The following ATP6V1H variants were observed in gnomAD, a reference collection of about 807,000 sequenced individuals.
ATP6V1H encodes ATPase H+ transporting V1 subunit H.
Under a neutral mutation model 71.7 loss-of-function variants are expected in ATP6V1H, and 39 were observed. The ratio of observed to expected loss-of-function variants is 0.54; its 90% CI spans 0.42 to 0.71. ATP6V1H has a LOEUF of 0.71. ATP6V1H is among the 30% of genes least tolerant of loss of function. ATP6V1H has a pLI of 0.00. For missense variants in ATP6V1H, 509 were observed against 594.9 expected, an observed-to-expected ratio of 0.86 and a Z score of 1.50; for synonymous variants, 192 against 199.3, an observed-to-expected ratio of 0.96 and a Z score of 0.31.
In ATP6V1H at chr8:53,771,560, C is replaced by T. The variant is rs192762082; in HGVS notation, c.1049+429G>A. The stretch of plus-strand genomic sequence containing the variant: ...CCATAGTGGCTAATTCTTTACTGTA[C>T]ATACATTATTTACATTATTTTTAAT... On this transcript the variant is annotated intron_variant, in intron 10 of 13. Transcript: ENST00000359530. Among the ~76,000 whole-genome samples the T allele has an allele frequency of 2.3e-3, 344 of 152,168 alleles. 2 individuals are homozygous for T. The highest frequency in any genetic ancestry group is 7.8e-3 in the African/African-American group (322 of 41,502).
rs1279107666 is a variant in ATP6V1H at position 53,832,175 on chromosome 8, C to CT, written c.216+808dup. On this transcript the variant is annotated intron_variant, in intron 3 of 13. Coordinates refer to ENST00000359530, the MANE Select transcript of ATP6V1H (RefSeq NM_015941.4). ...GAACAAAGATATGTACATATCACCC[C>CT]TTTTTGTAAAAAGTTCACATTTGTA... is the stretch of plus-strand genomic sequence containing the variant. 50 of 152,176 alleles carry CT rather than the reference C, an allele frequency of 3.3e-4. 1 individual carries two copies. The highest frequency in any genetic ancestry group is 1.1e-3 in the African/African-American group (47 of 41,542). 9.4% of individuals were successfully genotyped at this position (152,176 alleles called of 1,614,324 possible). A position where few individuals can be genotyped will look rare whatever the true frequency, so the allele number is the denominator to read the frequency against.
intron 13 of ATP6V1H, among the ~76,000 whole-genome samples, chr8:53,738,707 G>A (rs1489799410): frequency 6.6e-6 from 1 of 152,152 alleles, no homozygotes; most frequent in Non-Finnish European, 1.5e-5. Context: ...CAACTCTTCT[G>A]AATATTTATT....
intron 4 of ATP6V1H, among the ~76,000 whole-genome samples, chr8:53,822,596 T>C (rs1810697059): frequency 6.6e-6 from 1 of 151,876 alleles, no homozygotes; most frequent in South Asian, 2.1e-4. Flanking sequence ...AAACACATAA[T>C]GAAGAATAAA....
intron 13 of ATP6V1H, among the ~76,000 whole-genome samples, chr8:53,735,238 T>C (rs1807160556): frequency 6.6e-6 from 1 of 152,140 alleles, no homozygotes; most frequent in Non-Finnish European, 1.5e-5. Flanking sequence ...GGTGGAGGCT[T>C]ATCCAATACA....
chr8:53,813,430 G>A (rs1206567866), intron 6 of ATP6V1H, among the ~76,000 whole-genome samples: 1 of 152,090 alleles, frequency 6.6e-6, no homozygotes, highest in Admixed American at 6.5e-5. Context: ...AAATCTAAAT[G>A]GCAACTTTCA....
chr8:53,793,607 T>C (rs1010345524), intron 9 of ATP6V1H, among the ~76,000 whole-genome samples: 17 of 151,638 alleles, frequency 1.1e-4, no homozygotes, highest in Non-Finnish European at 2.9e-5. Flanking sequence ...ATCACGCCAC[T>C]CCACTCCAGC....
In ATP6V1H at chr8:53,829,477, C is replaced by T. The variant is rs1169591245; in HGVS notation, c.273G>A (p.Gln91=). ...TATCATCCACCATAGTTAGTATATA[C>T]TGAACGGTCTGTTCTTTGCAGATAT... ...MTHICKEQTV[Q]YILTMVDDML... Residue 91 remains glutamine (Q), a synonymous_variant, in exon 4 of 14, where the codon CAG becomes CAA. Coordinates refer to ENST00000359530, the MANE Select transcript of ATP6V1H (RefSeq NM_015941.4). 1 of 1,605,224 alleles carries T rather than the reference C, an allele frequency of 6.2e-7. No individual in the cohort carries two copies. The highest frequency in any genetic ancestry group is 8.5e-7 in the Non-Finnish European group (1 of 1,176,584).
intron 9 of ATP6V1H, among the ~76,000 whole-genome samples, chr8:53,780,702 C>G (rs1809085850): frequency 6.6e-6 from 1 of 152,034 alleles, no homozygotes; most frequent in African/African-American, 2.4e-5. Context: ...TCCCCCACTC[C>G]ACAACAGCCC....
chr8:53,827,041 T>A, intron 4 of ATP6V1H, among the ~76,000 whole-genome samples: 1 of 152,096 alleles, frequency 6.6e-6, no homozygotes, highest in East Asian at 1.9e-4. Context: ...TATACCTTTC[T>A]GCATAGTTTT....
chr8:53,783,838 G>T (rs1022187793), intron 9 of ATP6V1H, among the ~76,000 whole-genome samples: 3 of 152,214 alleles, frequency 2.0e-5, no homozygotes, highest in Non-Finnish European at 4.4e-5. Context: ...CAGTTTCCAT[G>T]TAGTTGAGCG....
intron 7 of ATP6V1H, among the ~76,000 whole-genome samples, chr8:53,810,505 G>A (rs1218496184): frequency 6.6e-6 from 1 of 152,196 alleles, no homozygotes; most frequent in Non-Finnish European, 1.5e-5. Flanking sequence ...ACTTTGGGAG[G>A]CCAAGGCAGG....
At chr8:53,725,229 T>C (rs1171132165) in intron 13 of ATP6V1H, among the ~76,000 whole-genome samples, 2 of 151,992 alleles carry the variant, frequency 1.3e-5, no homozygotes, top group African/African-American at 4.8e-5. Flanking sequence ...ACTGTGGCTT[T>C]ATTAGAAGAG....
chr8:53,760,527 T>C (rs1170881483), intron 11 of ATP6V1H, among the ~76,000 whole-genome samples: 1 of 152,198 alleles, frequency 6.6e-6, no homozygotes, highest in Non-Finnish European at 1.5e-5. Flanking sequence ...TATTTCCTTA[T>C]ATTCCTGTTC....
At chr8:53,729,389 A>C (rs557171616) in intron 13 of ATP6V1H, among the ~76,000 whole-genome samples, 1 of 152,308 alleles carries the variant, frequency 6.6e-6, no homozygotes, top group Non-Finnish European at 1.5e-5. Flanking sequence ...TTTATTACTT[A>C]CAGATAGGAA....
At chr8:53,823,216 T>C (rs2042769067) in intron 4 of ATP6V1H, among the ~76,000 whole-genome samples, 1 of 152,208 alleles carries the variant, frequency 6.6e-6, no homozygotes, top group African/African-American at 2.4e-5. Flanking sequence ...ACACCTGGTA[T>C]ATTTATAAAA....
chr8:53,819,687 AATGTATAT>A (rs1370110908), intron 4 of ATP6V1H, among the ~76,000 whole-genome samples: 1 of 112,286 alleles, frequency 8.9e-6, no homozygotes, highest in Non-Finnish European at 1.7e-5. Flanking sequence ...TGTATATACA[AATGTATAT>A]ATGTATATAC....
chr8:53,787,804 A>T (rs1305728445), intron 9 of ATP6V1H, among the ~76,000 whole-genome samples: 1 of 152,226 alleles, frequency 6.6e-6, no homozygotes, highest in Non-Finnish European at 1.5e-5. Flanking sequence ...GACCTGGAGT[A>T]CAGCATGCAC....
At chr8:53,825,649 T>TG (rs374233967) in intron 4 of ATP6V1H, among the ~76,000 whole-genome samples, 3 of 152,266 alleles carry the variant, frequency 2.0e-5, no homozygotes, top group African/African-American at 7.2e-5. Context: ...CTCCAACCAC[T>TG]ATGGCAAAGA....
chr8:53,734,480 T>C (rs1480873261), intron 13 of ATP6V1H, among the ~76,000 whole-genome samples: 2 of 152,230 alleles, frequency 1.3e-5, no homozygotes, highest in Non-Finnish European at 2.9e-5. Flanking sequence ...ATTGCTTTAA[T>C]TCAGGCTTTA....
Sources: allele counts gnomAD v4.1 joint callset (sites outside exome capture counted in the v4.1 genomes callset), GRCh38; gene constraint gnomAD v4.1.1; transcripts MANE v1.5; gene names NCBI Gene and HGNC (gene_info 2026-07-23, HGNC 2026-07-21).